CRIM1: variants seen among roughly 807,000 people sequenced by gnomAD.
The protein encoded by CRIM1 is cysteine-rich motor neuron 1 protein.
CRIM1 carries 32 observed loss-of-function variants against 116.4 expected under a neutral mutation model. That is an observed-to-expected ratio of 0.27 (90% CI 0.21 to 0.37). CRIM1 has a LOEUF of 0.37. CRIM1 is among the 10% of genes least tolerant of loss of function. CRIM1 has a pLI of 1.00. For synonymous variants in CRIM1, 590 were observed against 509.2 expected (o/e 1.16, Z -2.13); for missense variants, 1,331 against 1,354.8 (o/e 0.98, Z 0.28).
chr2:36,408,840 A>G (rs965868804), intron 2 of CRIM1, among the ~76,000 whole-genome samples: 47 of 152,332 alleles, frequency 3.1e-4, no homozygotes, highest in African/African-American at 1.1e-3. Context: ...GTCTGGGAGC[A>G]TAACCACTTT....
chr2:36,376,753 C>G (rs970859976), intron 1 of CRIM1, among the ~76,000 whole-genome samples: 1 of 152,204 alleles, frequency 6.6e-6, no homozygotes, highest in African/African-American at 2.4e-5. Context: ...CACAGCATTT[C>G]TTTTCCCTTT....
At chr2:36,437,909 G>A (rs56036545) in intron 2 of CRIM1, among the ~76,000 whole-genome samples, 25,518 of 151,888 alleles carry the variant, frequency 0.17, 2,353 homozygotes, top group East Asian at 0.47. Context: ...TGAGGCGGGT[G>A]GATCACAACA....
At chr2:36,412,278 G>A (rs1673268356) in intron 2 of CRIM1, among the ~76,000 whole-genome samples, 2 of 149,478 alleles carry the variant, frequency 1.3e-5, no homozygotes, top group African/African-American at 2.5e-5. Flanking sequence ...CTACAAATGG[G>A]GGCGCAGGGG....
chr2:36,462,854 G>C (rs915646539), intron 4 of CRIM1, among the ~76,000 whole-genome samples: 5 of 152,202 alleles, frequency 3.3e-5, no homozygotes, highest in Non-Finnish European at 5.9e-5. Context: ...GCTTACCACT[G>C]CAATGGCTAG....
intron 6 of CRIM1, among the ~76,000 whole-genome samples, chr2:36,478,040 A>T (rs1031153159): frequency 6.6e-6 from 1 of 152,184 alleles, no homozygotes; most frequent in African/African-American, 2.4e-5. Flanking sequence ...TGATCTCTGC[A>T]CACAAAGTGG....
chr2:36,514,347 T>C (rs1420118076), intron 11 of CRIM1, among the ~76,000 whole-genome samples: 1 of 152,202 alleles, frequency 6.6e-6, no homozygotes, highest in Admixed American at 6.5e-5. Flanking sequence ...AGATTTGTAA[T>C]TCAAGGGAGT....
At chr2:36,547,469 T>C (rs947990560) in intron 16 of CRIM1, among the ~76,000 whole-genome samples, 3 of 152,202 alleles carry the variant, frequency 2.0e-5, no homozygotes, top group Non-Finnish European at 2.9e-5. Context: ...GATTTATTCC[T>C]AAATCATTGT....
At chr2:36,534,581 G>A (rs541127617) in intron 13 of CRIM1, among the ~76,000 whole-genome samples, 78 of 141,790 alleles carry the variant, frequency 5.5e-4, no homozygotes, top group Admixed American at 9.8e-4. Context: ...GAGGAAGGAA[G>A]GGAGAGACAG....
At chr2:36,514,037 G>T (rs746949162) in intron 11 of CRIM1, among the ~76,000 whole-genome samples, 1 of 152,172 alleles carries the variant, frequency 6.6e-6, no homozygotes, top group African/African-American at 2.4e-5. Context: ...CTACATTTTT[G>T]TAAAGGTTTG....
At chr2:36,398,108 C>T (rs1442750342) in intron 2 of CRIM1, among the ~76,000 whole-genome samples, 1 of 152,190 alleles carries the variant, frequency 6.6e-6, no homozygotes, top group East Asian at 1.9e-4. Flanking sequence ...ATATAGATGA[C>T]GTGATCACAT....
chr2:36,482,324 T>C (rs1223708473), intron 7 of CRIM1, among the ~76,000 whole-genome samples: 2 of 152,152 alleles, frequency 1.3e-5, no homozygotes, highest in African/African-American at 4.8e-5. Context: ...GTATTAATAA[T>C]AAGAACACAG....
In CRIM1 at chr2:36,550,595, CATTT is replaced by C. The variant is rs1558434052; in HGVS notation, c.*1895_*1898del. On this transcript the variant is annotated 3_prime_UTR_variant, in exon 17 of 17. Coordinates refer to ENST00000280527, the MANE Select transcript of CRIM1 (RefSeq NM_016441.3). Reference sequence around the variant, plus strand: ...CTAATTTATTAATCTGAAGATTAACCATTTTTTTGTCTTAGAATATCAAAAAGAA... The same window carrying C: ...CTAATTTATTAATCTGAAGATTAACCTTTTGTCTTAGAATATCAAAAAGAA... The C allele has an allele frequency of 1.3e-5, 2 of 152,174 alleles. No individual in the cohort carries two copies. The highest frequency in any genetic ancestry group is 2.9e-5 in the Non-Finnish European group (2 of 67,962). 9.4% of individuals were successfully genotyped at this position (152,174 alleles called of 1,614,324 possible). A position where few individuals can be genotyped will look rare whatever the true frequency, so the allele number is the denominator to read the frequency against.
intron 2 of CRIM1, among the ~76,000 whole-genome samples, chr2:36,413,087 A>G (rs1225646020): frequency 6.6e-6 from 1 of 152,224 alleles, no homozygotes; most frequent in Non-Finnish European, 1.5e-5. Context: ...GGAGGGACTC[A>G]GGCTGTCAGG....
chr2:36,530,422 G>A (rs2125149282), intron 13 of CRIM1, among the ~76,000 whole-genome samples: 1 of 152,280 alleles, frequency 6.6e-6, no homozygotes, highest in East Asian at 1.9e-4. Context: ...TTCTCAAACA[G>A]GAGGTGCTCA....
Position 36,442,598 on chromosome 2 carries a change from C to CT in CRIM1, c.749-16dup, listed in dbSNP as rs1317595799. The stretch of plus-strand genomic sequence containing the variant: ...AAATATAACAATAAACGGTGCCTCT[C>CT]TGTTTGCCCCTTTCAGTTTTCGGCG... On this transcript the variant is annotated splice_polypyrimidine_tract_variant and intron_variant, in intron 3 of 16. Transcript: ENST00000280527. The CT allele has an allele frequency of 1.2e-6, 2 of 1,614,012 alleles. No individual in the cohort carries two copies. Among genetic ancestry groups the CT allele is most frequent in the Non-Finnish European group, 1.7e-6 (2 of 1,179,982 alleles).
At chr2:36,535,138 G>A (rs1370636425) in intron 13 of CRIM1, among the ~76,000 whole-genome samples, 1 of 131,200 alleles carries the variant, frequency 7.6e-6, no homozygotes, top group Admixed American at 7.7e-5. Flanking sequence ...GGAGGGAAGG[G>A]GAAGGAAGGA....
intron 2 of CRIM1, among the ~76,000 whole-genome samples, chr2:36,412,593 A>C (rs1673298992): frequency 6.6e-6 from 1 of 152,164 alleles, no homozygotes; most frequent in Non-Finnish European, 1.5e-5. Context: ...AGTCATACTA[A>C]CCTTTGTATC....
chr2:36,393,705 G>T (rs1351379104), intron 1 of CRIM1, among the ~76,000 whole-genome samples: 1 of 152,150 alleles, frequency 6.6e-6, no homozygotes, highest in Non-Finnish European at 1.5e-5. Flanking sequence ...GGTTTTGAAG[G>T]ATGAGCAGGA....
intron 1 of CRIM1, among the ~76,000 whole-genome samples, chr2:36,361,949 G>A (rs757498988): frequency 6.6e-6 from 1 of 152,078 alleles, no homozygotes; most frequent in Non-Finnish European, 1.5e-5. Context: ...GTCTAATTCT[G>A]CAAAGCTGCA....
Sources: allele counts gnomAD v4.1 joint callset (sites outside exome capture counted in the v4.1 genomes callset), GRCh38; gene constraint gnomAD v4.1.1; transcripts MANE v1.5; gene names NCBI Gene and HGNC (gene_info 2026-07-23, HGNC 2026-07-21).